Variants in PSTPIP2 observed in about 807,000 individuals in gnomAD.
PSTPIP2 encodes proline-serine-threonine phosphatase-interacting protein 2.
In PSTPIP2, 33 loss-of-function variants were observed where a neutral mutation model predicts 63.3. The ratio of observed to expected loss-of-function variants is 0.52; its 90% CI spans 0.40 to 0.70. The LOEUF (loss-of-function observed/expected upper bound fraction) is 0.70, where lower values mean the gene tolerates loss of function less well. Ranked by LOEUF, PSTPIP2 falls within the 30% of genes least tolerant of loss-of-function variation. The pLI, the probability that PSTPIP2 is intolerant of heterozygous loss-of-function variation, is 0.00. For synonymous variants in PSTPIP2, 125 were observed against 132.7 expected (o/e 0.94, Z 0.40); for missense variants, 312 against 400.7 (o/e 0.78, Z 1.89).
intron 6 of PSTPIP2, among the ~76,000 whole-genome samples, chr18:46,002,227 A>G (rs972755738): frequency 2.6e-5 from 4 of 152,128 alleles, no homozygotes; most frequent in Non-Finnish European, 5.9e-5. Context: ...TTACAGTTTA[A>G]TCAGCCTCTG....
chr18:45,990,120 G>A (rs1476523026), intron 13 of PSTPIP2, among the ~76,000 whole-genome samples: 1 of 152,192 alleles, frequency 6.6e-6, no homozygotes, highest in Non-Finnish European at 1.5e-5. Context: ...AATCCAAGGG[G>A]AACTATATCT....
chr18:46,058,245 T>C (rs1908843976), intron 1 of PSTPIP2, among the ~76,000 whole-genome samples: 1 of 152,140 alleles, frequency 6.6e-6, no homozygotes, highest in Admixed American at 6.6e-5. Context: ...AATTTACCCC[T>C]GGAGGTTGGG....
At chr18:46,008,285 C>T (rs895572750) in intron 5 of PSTPIP2, among the ~76,000 whole-genome samples, 16 of 152,124 alleles carry the variant, frequency 1.1e-4, no homozygotes, top group African/African-American at 3.6e-4. Context: ...GTTTTTCTCT[C>T]TACTCACACT....
At chr18:46,062,105 G>A (rs1189060263) in intron 1 of PSTPIP2, among the ~76,000 whole-genome samples, 4 of 152,210 alleles carry the variant, frequency 2.6e-5, no homozygotes, top group African/African-American at 9.6e-5. Context: ...TCAGAAGTTA[G>A]TTAGGCTCCT....
intron 1 of PSTPIP2, among the ~76,000 whole-genome samples, chr18:46,059,090 G>A (rs1323126226): frequency 1.3e-5 from 2 of 150,752 alleles, no homozygotes; most frequent in Admixed American, 6.6e-5. Context: ...AGGCTGGAGT[G>A]CAATGGTGCG....
chr18:46,011,045 T>TG, intron 5 of PSTPIP2, 136 bp downstream of exon 5: 1 of 718,756 alleles, frequency 1.4e-6, no homozygotes, highest in South Asian at 1.7e-5. Flanking sequence ...AGTCCCCATG[T>TG]GGGGACTCCA....
intron 7 of PSTPIP2, 101 bp from the exon 8 acceptor site, chr18:45,998,940 AC>A: frequency 7.7e-7 from 1 of 1,303,788 alleles, no homozygotes; most frequent in Non-Finnish European, 1.1e-6. Context: ...CTATGAAGAG[AC>A]CAGGTCTAGT....
intron 2 of PSTPIP2, among the ~76,000 whole-genome samples, chr18:46,039,743 T>C (rs1908120510): frequency 6.6e-6 from 1 of 152,200 alleles, no homozygotes; most frequent in Non-Finnish European, 1.5e-5. Context: ...GTTCGCAGTT[T>C]CATCATAAAT....
At chr18:46,006,679 G>A (rs1298584004) in intron 5 of PSTPIP2, among the ~76,000 whole-genome samples, 1 of 152,036 alleles carries the variant, frequency 6.6e-6, no homozygotes, top group Admixed American at 6.6e-5. Context: ...CGGCCTCCCT[G>A]TTACTTTTTA....
At chr18:46,014,186 C>T (rs983988005) in intron 4 of PSTPIP2, among the ~76,000 whole-genome samples, 1 of 152,032 alleles carries the variant, frequency 6.6e-6, no homozygotes, top group Admixed American at 6.5e-5. Context: ...ACATGCCTGG[C>T]TAACTTTTGT....
At chr18:46,047,507 G>A (rs756686624) in intron 1 of PSTPIP2, among the ~76,000 whole-genome samples, 55 of 152,102 alleles carry the variant, frequency 3.6e-4, no homozygotes, top group Non-Finnish European at 5.7e-4. Flanking sequence ...CAGGAGAATC[G>A]CTTAAACTCG....
At chr18:45,993,215 C>A (rs1354954465) in intron 10 of PSTPIP2, among the ~76,000 whole-genome samples, 2 of 152,014 alleles carry the variant, frequency 1.3e-5, no homozygotes, top group Non-Finnish European at 1.5e-5. Flanking sequence ...CCACCTCAGC[C>A]CCCTGAGTAG....
intron 1 of PSTPIP2, chr18:46,040,966 A>G: frequency 2.2e-6 from 1 of 456,006 alleles, no homozygotes; most frequent in South Asian, 1.6e-5. Context: ...CCGGATGGAA[A>G]CTGACTCACG....
At chr18:46,012,721 C>T (rs2051812793) in intron 4 of PSTPIP2, among the ~76,000 whole-genome samples, 1 of 152,032 alleles carries the variant, frequency 6.6e-6, no homozygotes, top group South Asian at 2.1e-4. Flanking sequence ...TGCAGTGAGC[C>T]GAGATTGTGC....
At chr18:46,011,930 T>A (rs1378652518) in intron 4 of PSTPIP2, among the ~76,000 whole-genome samples, 1 of 152,148 alleles carries the variant, frequency 6.6e-6, no homozygotes, top group Non-Finnish European at 1.5e-5. Flanking sequence ...AAGAAAAAAA[T>A]TTAAACTTGT....
At chr18:45,986,751 A>G (rs928384584) in intron 14 of PSTPIP2, among the ~76,000 whole-genome samples, 1 of 152,252 alleles carries the variant, frequency 6.6e-6, no homozygotes, top group African/African-American at 2.4e-5. Context: ...CAAGTTCCAT[A>G]TATTTTATAG....
chr18:46,058,400 A>T (rs575250609), intron 1 of PSTPIP2, among the ~76,000 whole-genome samples: 1 of 152,006 alleles, frequency 6.6e-6, no homozygotes, highest in Admixed American at 6.6e-5. Flanking sequence ...TCTGTCGCCC[A>T]GGCTGGAGTG....
At chr18:45,993,724 G>A (rs1210353509) in intron 9 of PSTPIP2, 21 bp from the exon 10 acceptor site, 2 of 1,595,420 alleles carry the variant, frequency 1.3e-6, no homozygotes, top group Non-Finnish European at 1.7e-6. Context: ...ATAGCTACGT[G>A]TACATAGATA....
chr18:46,009,627 G>A (rs1249113704), intron 5 of PSTPIP2, among the ~76,000 whole-genome samples: 1 of 152,150 alleles, frequency 6.6e-6, no homozygotes, highest in Non-Finnish European at 1.5e-5. Context: ...AATTTGGTCT[G>A]TGTAGCTTAT....
Sources: gnomAD v4.1 joint callset for allele counts (sites outside exome capture counted in the v4.1 genomes callset) on GRCh38, gnomAD v4.1.1 for gene constraint, MANE v1.5 for transcripts, NCBI Gene and HGNC (gene_info 2026-07-23, HGNC 2026-07-21) for gene names.